Variants in PTDSS1 observed in about 807,000 individuals in gnomAD.
PTDSS1 encodes phosphatidylserine synthase 1, also known as PSS-1.
In PTDSS1, 45 loss-of-function variants were observed where a neutral mutation model predicts 70.5. The observed-to-expected ratio is 0.64, with a 90% CI of 0.50 to 0.82. The LOEUF (loss-of-function observed/expected upper bound fraction) is 0.82. Among genes scored for constraint, PTDSS1 ranks in the 40% least tolerant of loss-of-function variants. The pLI is 0.00. For synonymous variants in PTDSS1, 188 were observed against 203.8 expected (o/e 0.92, Z 0.66); for missense variants, 417 against 586.1 (o/e 0.71, Z 2.98).
At chr8:96,311,294 C>T (rs1811209051) in intron 9 of PTDSS1, among the ~76,000 whole-genome samples, 1 of 152,100 alleles carries the variant, frequency 6.6e-6, no homozygotes, top group Non-Finnish European at 1.5e-5. Flanking sequence ...GCTTCAAGAC[C>T]TAATCGAGGT....
intron 9 of PTDSS1, among the ~76,000 whole-genome samples, chr8:96,316,237 C>T (rs1179354834): frequency 2.0e-5 from 3 of 152,186 alleles, no homozygotes; most frequent in Non-Finnish European, 2.9e-5. Context: ...CTTGTCTTCT[C>T]ACAGAGTTCT....
At position 96,262,035 on chromosome 8, in the gene PTDSS1, C is replaced by T; in HGVS notation, c.-6C>T. ...CCGCCACCGCGGCAGGACGGGGAGG[C>T]GGGCCATGGCGTCCTGCGTGGGGAG... On this transcript the variant is annotated 5_prime_UTR_variant, in exon 1 of 13. Coordinates refer to ENST00000517309, the MANE Select transcript of PTDSS1 (RefSeq NM_014754.3). This position sits in a 1 kb window ranked among gnomAD's most constrained non-coding sequence, Gnocchi z 4.4. The T allele has an allele frequency of 1.2e-6, 2 of 1,609,622 alleles. No homozygotes were observed. Among genetic ancestry groups the T allele is most frequent in the East Asian group, 2.2e-5 (1 of 44,710 alleles).
Position 96,304,029 on chromosome 8 carries a change from T to C in PTDSS1, c.753-11T>C, listed in dbSNP as rs762191588. The C allele has an allele frequency of 3.8e-6, 6 of 1,598,220 alleles. No individual in the cohort carries two copies. The highest frequency in any genetic ancestry group is 5.1e-6 in the Non-Finnish European group (6 of 1,175,526). On this transcript the variant is annotated splice_polypyrimidine_tract_variant and intron_variant, in intron 6 of 12. Coordinates refer to ENST00000517309, the MANE Select transcript of PTDSS1 (RefSeq NM_014754.3). The stretch of plus-strand genomic sequence containing the variant: ...CTCTGGATTTTCACTGGAGCCATTC[T>C]CTTCTTACAGGGACATTCATACCAC...
At chr8:96,311,157 C>T (rs752159243) in intron 9 of PTDSS1, among the ~76,000 whole-genome samples, 3 of 152,186 alleles carry the variant, frequency 2.0e-5, no homozygotes, top group Non-Finnish European at 4.4e-5. Flanking sequence ...GTGAGACCCT[C>T]TTGAATATCT....
intron 10 of PTDSS1, among the ~76,000 whole-genome samples, chr8:96,322,218 AC>A (rs561214528): frequency 1.3e-5 from 2 of 152,242 alleles, no homozygotes; most frequent in South Asian, 4.1e-4. Context: ...CAGGCCACCT[AC>A]CCAGGCAGCC....
At chr8:96,298,101 C>T (rs1309969396) in intron 5 of PTDSS1, among the ~76,000 whole-genome samples, 1 of 152,166 alleles carries the variant, frequency 6.6e-6, no homozygotes, top group Non-Finnish European at 1.5e-5. Context: ...TTTCTCCCTT[C>T]CCTCTCTAAG....
intron 4 of PTDSS1, among the ~76,000 whole-genome samples, chr8:96,289,976 GC>G (rs997692475): frequency 1.3e-5 from 2 of 152,072 alleles, no homozygotes; most frequent in African/African-American, 2.4e-5. Flanking sequence ...GAGAATAAGG[GC>G]AGTTATTTAT....
intron 10 of PTDSS1, among the ~76,000 whole-genome samples, chr8:96,324,906 T>C (rs1428374829): frequency 6.6e-6 from 1 of 152,250 alleles, no homozygotes; most frequent in Non-Finnish European, 1.5e-5. Context: ...TGTAACTTAT[T>C]GAGGACATGC....
At chr8:96,280,157 A>G (rs1374606647) in intron 2 of PTDSS1, among the ~76,000 whole-genome samples, 1 of 152,206 alleles carries the variant, frequency 6.6e-6, no homozygotes, top group Non-Finnish European at 1.5e-5. Context: ...TTAAAATGCT[A>G]GCTCTTCTCA....
intron 6 of PTDSS1, among the ~76,000 whole-genome samples, chr8:96,300,617 A>G (rs1282221605): frequency 6.6e-6 from 1 of 152,252 alleles, no homozygotes; most frequent in East Asian, 1.9e-4. Flanking sequence ...GGTACTGATA[A>G]TGAAAGTTGT....
intron 9 of PTDSS1, among the ~76,000 whole-genome samples, chr8:96,315,521 C>T (rs1025609370): frequency 2.6e-5 from 4 of 152,220 alleles, no homozygotes; most frequent in Non-Finnish European, 4.4e-5. Context: ...TACAACAACC[C>T]TGCCACCATG....
At chr8:96,319,504 A>C (rs1047830893) in intron 9 of PTDSS1, among the ~76,000 whole-genome samples, 3 of 151,804 alleles carry the variant, frequency 2.0e-5, no homozygotes, top group Admixed American at 6.6e-5. Context: ...TTAAAAAAAA[A>C]CAAAAAATTT....
chr8:96,280,698 A>G (rs1411213144), intron 2 of PTDSS1, among the ~76,000 whole-genome samples: 2 of 152,246 alleles, frequency 1.3e-5, no homozygotes, highest in Non-Finnish European at 2.9e-5. Flanking sequence ...TGCCCTAAGA[A>G]GTCTTCCCCA....
At chr8:96,272,557 G>T (rs1586181979) in intron 1 of PTDSS1, among the ~76,000 whole-genome samples, 2 of 152,238 alleles carry the variant, frequency 1.3e-5, no homozygotes, top group South Asian at 4.1e-4. Context: ...AACAATCATT[G>T]TCTTCAGTGT....
chr8:96,322,075 G>A (rs553105684), intron 10 of PTDSS1, among the ~76,000 whole-genome samples: 11 of 152,136 alleles, frequency 7.2e-5, no homozygotes, highest in African/African-American at 1.7e-4. Flanking sequence ...AGAACCACCC[G>A]CCCACAGGGA....
intron 1 of PTDSS1, among the ~76,000 whole-genome samples, chr8:96,269,378 A>C (rs998097287): frequency 6.6e-6 from 1 of 152,218 alleles, no homozygotes; most frequent in East Asian, 1.9e-4. Context: ...AGTTCTTTGG[A>C]GTGTTCAGGG....
intron 10 of PTDSS1, among the ~76,000 whole-genome samples, chr8:96,320,813 C>T (rs1811363348): frequency 6.6e-6 from 1 of 152,164 alleles, no homozygotes; most frequent in Admixed American, 6.5e-5. Context: ...CAATTTCTGC[C>T]CTCCAGGTCC....
Position 96,314,682 on chromosome 8 carries a change from C to T in PTDSS1, c.1073+5060C>T, listed in dbSNP as rs1453755339. Among the ~76,000 whole-genome samples, 7 of 151,612 alleles carry T rather than the reference C, an allele frequency of 4.6e-5. No homozygotes were observed. The East Asian group carries it at 1.2e-3, about 25-fold the overall frequency. ...TGCCATCTCGGCTCACTGCAAGCTC[C>T]GCCTCCCGGGTTCATGCCGTTCTCC... is the stretch of plus-strand genomic sequence containing the variant. On this transcript the variant is annotated intron_variant, in intron 9 of 12. Coordinates refer to ENST00000517309, the MANE Select transcript of PTDSS1 (RefSeq NM_014754.3).
chr8:96,314,481 T>C (rs978707315), intron 9 of PTDSS1, among the ~76,000 whole-genome samples: 3 of 152,240 alleles, frequency 2.0e-5, no homozygotes, highest in Non-Finnish European at 2.9e-5. Context: ...GTCCTGCTGG[T>C]ATAGCTTTAT....
Sources: gnomAD v4.1 joint callset for allele counts (sites outside exome capture counted in the v4.1 genomes callset) on GRCh38, gnomAD v4.1.1 for gene constraint, Gnocchi (gnomAD v3.1) non-coding constraint, MANE v1.5 for transcripts, NCBI Gene and HGNC (gene_info 2026-07-23, HGNC 2026-07-21) for gene names.